Variants in CABLES1 observed in about 807,000 individuals in gnomAD.
CABLES1 encodes the protein CDK5 and ABL1 enzyme substrate 1.
A neutral mutation model predicts 57.8 loss-of-function variants in CABLES1; 36 were observed. That is an observed-to-expected ratio of 0.62 (90% CI 0.48 to 0.82). The LOEUF (loss-of-function observed/expected upper bound fraction) is 0.82, where lower values mean the gene tolerates loss of function less well. CABLES1 is among the 40% of genes least tolerant of loss of function. The pLI, the probability that CABLES1 is intolerant of heterozygous loss-of-function variation, is 0.00. For synonymous variants in CABLES1, 374 were observed against 363.0 expected, an observed-to-expected ratio of 1.03 and a Z score of -0.35; for missense variants, 767 against 836.6, an observed-to-expected ratio of 0.92 and a Z score of 1.03.
chr18:23,152,958 C>G (rs1456984304), intron 1 of CABLES1, among the ~76,000 whole-genome samples: 1 of 150,720 alleles, frequency 6.6e-6, no homozygotes, highest in Non-Finnish European at 1.5e-5. Context: ...CCCACCACCA[C>G]GCCCTGCTGT....
At chr18:23,180,082 C>G (rs941310007) in intron 1 of CABLES1, among the ~76,000 whole-genome samples, 7 of 152,060 alleles carry the variant, frequency 4.6e-5, no homozygotes, top group Non-Finnish European at 1.0e-4. Context: ...CCACGCCCGG[C>G]TAATTTTTTT....
intron 1 of CABLES1, among the ~76,000 whole-genome samples, chr18:23,188,532 G>A (rs1176299699): frequency 7.5e-6 from 1 of 132,458 alleles, no homozygotes; most frequent in African/African-American, 3.1e-5. Context: ...ATTACAAGAG[G>A]CACCTTGTCT....
At chr18:23,195,099 G>A (rs756253785) in intron 3 of CABLES1, among the ~76,000 whole-genome samples, 1 of 152,224 alleles carries the variant, frequency 6.6e-6, no homozygotes, top group Non-Finnish European at 1.5e-5. Flanking sequence ...CGTTTGGAAA[G>A]CACCATTAAA....
rs374431035 is a variant in CABLES1, at chr18:23,231,120, A to T, written c.1089-3488A>T. Among the ~76,000 whole-genome samples the T allele has an allele frequency of 3.3e-5, 5 of 152,308 alleles. No individual in the cohort carries two copies. The East Asian group carries it at 7.7e-4, about 23-fold the overall frequency. On this transcript the variant is annotated intron_variant, in intron 4 of 9. Coordinates refer to ENST00000256925, the MANE Select transcript of CABLES1 (RefSeq NM_001100619.3). ...TCCCCAGAGGCAATAGGCAGAAAAT[A>T]GGCCACTCTTGGGAAGAAAACTGGG...
At chr18:23,188,267 T>TA (rs1206070898) in intron 1 of CABLES1, among the ~76,000 whole-genome samples, 1 of 152,228 alleles carries the variant, frequency 6.6e-6, no homozygotes, top group Non-Finnish European at 1.5e-5. Context: ...GCCATATATT[T>TA]ATTCTTTCTA....
chr18:23,157,284 A>T (rs908273588), intron 1 of CABLES1, among the ~76,000 whole-genome samples: 5 of 152,178 alleles, frequency 3.3e-5, no homozygotes, highest in Non-Finnish European at 7.3e-5. Flanking sequence ...CAAGTCTGCA[A>T]ATATAGAACC....
intron 4 of CABLES1, among the ~76,000 whole-genome samples, chr18:23,217,604 A>G (rs2047451520): frequency 6.6e-6 from 1 of 152,214 alleles, no homozygotes; most frequent in African/African-American, 2.4e-5. Context: ...CCACTTAACC[A>G]TAATTATGAT....
chr18:23,254,448 C>T (rs754270461), intron 9 of CABLES1, among the ~76,000 whole-genome samples: 16 of 152,196 alleles, frequency 1.1e-4, no homozygotes, highest in Non-Finnish European at 1.3e-4. Flanking sequence ...TTTTAGAATT[C>T]AATATATTAA....
chr18:23,233,823 T>C (rs1019836552), intron 4 of CABLES1, among the ~76,000 whole-genome samples: 4 of 152,354 alleles, frequency 2.6e-5, no homozygotes, highest in African/African-American at 9.6e-5. Context: ...GTGGCATTAA[T>C]TCTTTCATCA....
Position 23,174,647 on chromosome 18 carries a change from C to T in CABLES1, c.846-14191C>T, listed in dbSNP as rs562759677. Among the ~76,000 whole-genome samples the T allele has an allele frequency of 1.0e-3, 151 of 151,472 alleles. 1 individual carries two copies. Among genetic ancestry groups the T allele is most frequent in the African/African-American group, 3.2e-3 (134 of 41,268 alleles). On this transcript the variant is annotated intron_variant, in intron 1 of 9. Transcript: ENST00000256925. ...CCACCACACCCGGCTAATTTTTTTGCATTTTTAGTAGAGACAGGATTTCAC... is the reference window on the plus strand; with the variant it reads ...CCACCACACCCGGCTAATTTTTTTGTATTTTTAGTAGAGACAGGATTTCAC...
intron 1 of CABLES1, among the ~76,000 whole-genome samples, chr18:23,151,208 C>T (rs986736936): frequency 4.0e-5 from 6 of 151,834 alleles, no homozygotes; most frequent in Non-Finnish European, 8.8e-5. Context: ...TTAGTAGAGA[C>T]GGGGTTTCAC....
At chr18:23,193,155 T>C (rs1409790457) in intron 2 of CABLES1, among the ~76,000 whole-genome samples, 1 of 151,450 alleles carries the variant, frequency 6.6e-6, no homozygotes, top group African/African-American at 2.4e-5. Context: ...CTACTAAATG[T>C]CCTCAAACAG....
chr18:23,158,711 A>G (rs2046981857), intron 1 of CABLES1, among the ~76,000 whole-genome samples: 1 of 152,176 alleles, frequency 6.6e-6, no homozygotes, highest in Non-Finnish European at 1.5e-5. Flanking sequence ...GCCAATGAAC[A>G]GATATTTGTG....
chr18:23,256,446 A>G (rs984640037), intron 9 of CABLES1, among the ~76,000 whole-genome samples: 2 of 152,174 alleles, frequency 1.3e-5, no homozygotes, highest in African/African-American at 4.8e-5. Flanking sequence ...TGAACTTACC[A>G]CGTGGTTTTT....
chr18:23,201,063 G>T (rs865847751), intron 3 of CABLES1, among the ~76,000 whole-genome samples: 1 of 152,242 alleles, frequency 6.6e-6, no homozygotes, highest in African/African-American at 2.4e-5. Context: ...AAGCAGGAAG[G>T]AGCATTACAG....
chr18:23,252,826 C>G, intron 7 of CABLES1, 134 bp from the exon 8 acceptor site: 2 of 604,652 alleles, frequency 3.3e-6, no homozygotes, highest in Non-Finnish European at 6.0e-6. Flanking sequence ...TCCGCCGAGC[C>G]CTTGTTGTAG....
rs181533775 is a variant in CABLES1 at position 23,248,698 on chromosome 18, G to A, written c.1447-4262G>A. Among the ~76,000 whole-genome samples the A allele has an allele frequency of 2.2e-3, 328 of 152,152 alleles. 1 individual carries two copies. Among genetic ancestry groups the A allele is most frequent in the Non-Finnish European group, 4.0e-3 (274 of 68,002 alleles). On this transcript the variant is annotated intron_variant, in intron 7 of 9. Coordinates refer to ENST00000256925, the MANE Select transcript of CABLES1 (RefSeq NM_001100619.3). ...CAGCTGGGTGGGTGTGGTGGCGCAT[G>A]CCTGTAATCCCAGCTACTTGGGAGG...
At chr18:23,236,110 C>T in intron 6 of CABLES1, 59 bp downstream of exon 6, 3 of 1,570,358 alleles carry the variant, frequency 1.9e-6, no homozygotes, top group Non-Finnish European at 1.7e-6. Context: ...CCTCCATTTA[C>T]ATGGGGATTG....
intron 9 of CABLES1, among the ~76,000 whole-genome samples, chr18:23,254,574 T>G (rs1353387308): frequency 1.3e-5 from 2 of 152,196 alleles, no homozygotes; most frequent in African/African-American, 4.8e-5. Flanking sequence ...CATAACAAAA[T>G]ACCATAGGCT....
Sources: gnomAD v4.1 joint callset for allele counts (sites outside exome capture counted in the v4.1 genomes callset) on GRCh38, gnomAD v4.1.1 for gene constraint, MANE v1.5 for transcripts, NCBI Gene and HGNC (gene_info 2026-07-23, HGNC 2026-07-21) for gene names.